The following PLEKHA8 variants were observed in gnomAD, a reference collection of about 807,000 sequenced individuals.
The protein encoded by PLEKHA8 is pleckstrin homology domain-containing family A member 8.
Under a neutral mutation model 68.2 loss-of-function variants are expected in PLEKHA8, and 36 were observed. That is an observed-to-expected ratio of 0.53 (90% CI 0.40 to 0.70). The LOEUF is 0.70. Ranked by LOEUF, PLEKHA8 falls within the 30% of genes least tolerant of loss-of-function variation. The pLI is 0.00. For synonymous variants in PLEKHA8, 211 were observed against 216.1 expected (o/e 0.98, Z 0.20); for missense variants, 505 against 615.4 (o/e 0.82, Z 1.90).
At chr7:30,051,706 G>C (rs752339701) in intron 6 of PLEKHA8, among the ~76,000 whole-genome samples, 20 of 152,162 alleles carry the variant, frequency 1.3e-4, no homozygotes, top group Non-Finnish European at 2.8e-4. Flanking sequence ...GGGCATGGTG[G>C]CTCACGCCTA....
chr7:30,120,859 T>G (rs936862419), intron 13 of PLEKHA8, among the ~76,000 whole-genome samples: 8 of 152,212 alleles, frequency 5.3e-5, no homozygotes, highest in Non-Finnish European at 1.0e-4. Flanking sequence ...GGTAGAATGA[T>G]CATGTAACTG....
chr7:30,080,291 A>C lies in PLEKHA8; in HGVS notation c.*1504A>C. The C allele has an allele frequency of 1.0e-6, 1 of 985,420 alleles. No homozygotes were observed. Among genetic ancestry groups the C allele is most frequent in the Non-Finnish European group, 1.2e-6 (1 of 829,940 alleles). The allele number at this position is 985,420 out of a possible 1,614,324, so 61.0% of individuals were successfully genotyped here. ...ACCCTGGCCCTAGTCTCAGTAGACC[A>C]TGCTGCCTCGAGTGTGCATCGGAGA... is the stretch of plus-strand genomic sequence containing the variant. On this transcript the variant is annotated 3_prime_UTR_variant, in exon 14 of 14. Coordinates refer to ENST00000449726, the MANE Select transcript of PLEKHA8 (RefSeq NM_001197026.2).
intron 9 of PLEKHA8, among the ~76,000 whole-genome samples, chr7:30,056,388 T>C (rs13227040): frequency 7.9e-6 from 1 of 126,340 alleles, no homozygotes; most frequent in Non-Finnish European, 1.7e-5. Context: ...ATATATATAA[T>C]ATATATAACA....
At chr7:30,061,873 G>C in intron 10 of PLEKHA8, 24 bp from the exon 11 acceptor site, 3 of 1,612,712 alleles carry the variant, frequency 1.9e-6, no homozygotes, top group Non-Finnish European at 2.5e-6. Context: ...TTAAACTTAG[G>C]TTGTTTCCCT....
rs773079206 is a variant in PLEKHA8, at chr7:30,060,872, C to A, written c.1040-12C>A. The stretch of plus-strand genomic sequence containing the variant: ...TTGCTTTTTCAGAAATGTTTTTAAT[C>A]TTTTCTTCTAGACAAACTTGGCCCT... On this transcript the variant is annotated splice_polypyrimidine_tract_variant and intron_variant, in intron 9 of 13. Coordinates refer to ENST00000449726, the MANE Select transcript of PLEKHA8 (RefSeq NM_001197026.2). 1.2e-6 allele frequency: 2 copies of A among 1,606,164 alleles called. No individual in the cohort carries two copies. The highest frequency in any genetic ancestry group is 3.4e-5 in the Admixed American group (2 of 58,564).
At chr7:30,093,498 A>T (rs7805956), downstream of PLEKHA8, among the ~76,000 whole-genome samples, 1 of 152,234 alleles carries the variant, frequency 6.6e-6, no homozygotes, top group Admixed American at 6.5e-5. Flanking sequence ...GACAGAGCGG[A>T]GGCTGGAATC....
At position 30,082,088 on chromosome 7, in the gene PLEKHA8, T is replaced by C. The variant is rs1033273845; in HGVS notation, c.*3301T>C. The C allele has an allele frequency of 2.4e-5, 24 of 985,312 alleles. No individual in the cohort carries two copies. Among genetic ancestry groups the C allele is most frequent in the Non-Finnish European group, 2.9e-5 (24 of 829,822 alleles). 61.0% of individuals were successfully genotyped at this position (985,312 alleles called of 1,614,324 possible). On this transcript the variant is annotated 3_prime_UTR_variant, in exon 14 of 14. Coordinates refer to ENST00000449726, the MANE Select transcript of PLEKHA8 (RefSeq NM_001197026.2). ...CAGAAGAGGAGCTCTCACAGAATGT[T>C]GAGCCTGTGGGCCCAAGACATTGAC...
chr7:30,120,810 G>A (rs955469314), intron 13 of PLEKHA8, among the ~76,000 whole-genome samples: 1 of 152,238 alleles, frequency 6.6e-6, no homozygotes, highest in Non-Finnish European at 1.5e-5. Context: ...AACACCGTAA[G>A]TAGGTTTCTG....
intron 13 of PLEKHA8, among the ~76,000 whole-genome samples, chr7:30,076,425 A>G (rs1225482090): frequency 6.6e-6 from 1 of 152,190 alleles, no homozygotes; most frequent in Non-Finnish European, 1.5e-5. Flanking sequence ...ATAAATTCCT[A>G]GTAGAACTGC....
At chr7:30,112,299 G>A (rs979865152) in intron 13 of PLEKHA8, among the ~76,000 whole-genome samples, 4 of 151,576 alleles carry the variant, frequency 2.6e-5, no homozygotes, top group Admixed American at 6.6e-5. Context: ...CGATTTTCAC[G>A]ACTCAGCATA....
chr7:30,051,165 A>T (rs1035765928), intron 6 of PLEKHA8, among the ~76,000 whole-genome samples: 1 of 152,162 alleles, frequency 6.6e-6, no homozygotes, highest in Non-Finnish European at 1.5e-5. Context: ...CTCCCCAAGT[A>T]TTGGTATTAC....
At chr7:30,040,535 G>T (rs1292080065) in intron 1 of PLEKHA8, among the ~76,000 whole-genome samples, 4 of 152,220 alleles carry the variant, frequency 2.6e-5, no homozygotes, top group Non-Finnish European at 5.9e-5. Context: ...GATAGGGGAT[G>T]TGAAGCTTCA....
chr7:30,034,110 G>A (rs1324497598), intron 1 of PLEKHA8, among the ~76,000 whole-genome samples: 1 of 123,282 alleles, frequency 8.1e-6, no homozygotes, highest in Non-Finnish European at 1.6e-5. Flanking sequence ...CCGAGTTCAA[G>A]CAATTCTCCT....
chr7:30,115,904 A>G (rs1187630616), intron 13 of PLEKHA8: 2 of 137,172 alleles, frequency 1.5e-5, no homozygotes, highest in East Asian at 2.1e-4. Flanking sequence ...ACATGCATGT[A>G]TACATGCATG....
chr7:30,101,593 GC>G (rs1405849710), intron 13 of PLEKHA8, among the ~76,000 whole-genome samples: 2 of 152,028 alleles, frequency 1.3e-5, no homozygotes, highest in Non-Finnish European at 2.9e-5. Flanking sequence ...CCTCCCAAAG[GC>G]CCCACCTCCT....
chr7:30,039,094 G>A (rs1791329340), intron 1 of PLEKHA8, among the ~76,000 whole-genome samples: 1 of 152,180 alleles, frequency 6.6e-6, no homozygotes, highest in African/African-American at 2.4e-5. Context: ...TGTTCATTAA[G>A]TGTAGAAAGG....
intron 12 of PLEKHA8, among the ~76,000 whole-genome samples, chr7:30,068,443 C>T (rs75435666): frequency 4.0e-4 from 61 of 152,208 alleles, no homozygotes; most frequent in Non-Finnish European, 6.3e-4. Context: ...AGAATATTGC[C>T]AAAGTTTTTG....
At chr7:30,085,418 G>A (rs1461654185), downstream of PLEKHA8, among the ~76,000 whole-genome samples, 2 of 152,214 alleles carry the variant, frequency 1.3e-5, no homozygotes, top group Admixed American at 1.3e-4. Flanking sequence ...GACACTAGAT[G>A]TAGAACAATT....
intron 4 of PLEKHA8, among the ~76,000 whole-genome samples, chr7:30,048,754 AG>A (rs1792163756): frequency 6.6e-6 from 1 of 150,720 alleles, no homozygotes; most frequent in South Asian, 2.1e-4. Flanking sequence ...TTTCTAAAAA[AG>A]GTGATTTAAC....
Sources: gnomAD v4.1 joint callset for allele counts (sites outside exome capture counted in the v4.1 genomes callset) on GRCh38, gnomAD v4.1.1 for gene constraint, MANE v1.5 for transcripts, NCBI Gene and HGNC (gene_info 2026-07-23, HGNC 2026-07-21) for gene names.